Variants in MAP2 observed in about 807,000 individuals in gnomAD.
MAP2 encodes microtubule associated protein 2, also known as microtubule-associated protein 2.
Under a neutral mutation model 137.6 loss-of-function variants are expected in MAP2, and 14 were observed. That is an observed-to-expected ratio of 0.10 (90% confidence interval 0.07 to 0.16). The LOEUF (loss-of-function observed/expected upper bound fraction) is 0.16, where lower values mean the gene tolerates loss of function less well. Ranked by LOEUF, MAP2 falls within the 10% of genes least tolerant of loss-of-function variation. MAP2 has a pLI of 1.00. For synonymous variants in MAP2, 786 were observed against 782.3 expected, an observed-to-expected ratio of 1.00 and a Z score of -0.08; for missense variants, 2,088 against 2,191.5, an observed-to-expected ratio of 0.95 and a Z score of 0.94.
intron 1 of MAP2, among the ~76,000 whole-genome samples, chr2:209,465,724 G>T (rs1189285869): frequency 2.6e-5 from 4 of 152,150 alleles, no homozygotes; most frequent in African/African-American, 7.2e-5. Flanking sequence ...CTCCATAGGA[G>T]TCTAAATGAT....
intron 3 of MAP2, among the ~76,000 whole-genome samples, chr2:209,607,886 C>T (rs926241216): frequency 6.6e-6 from 1 of 152,186 alleles, no homozygotes; most frequent in Non-Finnish European, 1.5e-5. Context: ...TTTCTTATTC[C>T]TTTTGCTAGT....
intron 1 of MAP2, among the ~76,000 whole-genome samples, chr2:209,432,543 T>C (rs1694582615): frequency 6.6e-6 from 1 of 152,166 alleles, no homozygotes; most frequent in South Asian, 2.1e-4. Flanking sequence ...GAGAAACATA[T>C]TCCTGGTCAC....
chr2:209,436,024 A>ATATATACAGTATATATTATCTAT (rs1187754273), intron 1 of MAP2, among the ~76,000 whole-genome samples: 1 of 123,086 alleles, frequency 8.1e-6, no homozygotes. Context: ...ATTATATATA[A>ATATATACAGTATATATTATCTAT]AATATATATA....
intron 5 of MAP2, among the ~76,000 whole-genome samples, chr2:209,674,764 T>C (rs184604966): frequency 1.3e-4 from 19 of 151,852 alleles, no homozygotes; most frequent in East Asian, 1.9e-4. Flanking sequence ...ATTTTTTGAC[T>C]GTCTTTCCTT....
intron 4 of MAP2, among the ~76,000 whole-genome samples, chr2:209,644,378 A>T (rs1341772507): frequency 1.3e-5 from 2 of 152,096 alleles, no homozygotes; most frequent in Non-Finnish European, 2.9e-5. Flanking sequence ...GTTATTTTTC[A>T]TATGCACCGG....
rs13389549 is a variant in MAP2 at position 209,574,529 on chromosome 2, A to G, written c.-171-5507A>G. The stretch of plus-strand genomic sequence containing the variant: ...GACACTTAGATTGTTTACATATCTT[A>G]GCTATTGTGAATAATGCTGCAATAA... On this transcript the variant is annotated intron_variant, in intron 2 of 15. Coordinates refer to ENST00000682079, the MANE Select transcript of MAP2 (RefSeq NM_001375505.1). Among the ~76,000 whole-genome samples, 869 of 152,210 alleles carry G rather than the reference A, an allele frequency of 5.7e-3. 7 individuals carry two copies. The highest frequency in any genetic ancestry group is 0.02 in the African/African-American group (823 of 41,512).
At chr2:209,522,434 C>T (rs1474571739) in intron 2 of MAP2, among the ~76,000 whole-genome samples, 1 of 152,120 alleles carries the variant, frequency 6.6e-6, no homozygotes, top group Non-Finnish European at 1.5e-5. Context: ...AAGTAGTTGA[C>T]AAGTCATAAA....
At chr2:209,437,822 G>A (rs771368500) in intron 1 of MAP2, among the ~76,000 whole-genome samples, 1 of 151,672 alleles carries the variant, frequency 6.6e-6, no homozygotes, top group Non-Finnish European at 1.5e-5. Context: ...TTGTCAGATA[G>A]TTAGTGGTTT....
chr2:209,584,128 T>A (rs764129883), intron 3 of MAP2, among the ~76,000 whole-genome samples: 9 of 152,142 alleles, frequency 5.9e-5, no homozygotes, highest in Non-Finnish European at 1.2e-4. Flanking sequence ...CTGTGTAGTA[T>A]TCCATGGTGT....
intron 1 of MAP2, among the ~76,000 whole-genome samples, chr2:209,433,432 G>A (rs1694862616): frequency 6.6e-6 from 1 of 152,036 alleles, no homozygotes; most frequent in Non-Finnish European, 1.5e-5. Context: ...CAACAGACAC[G>A]GTAGAGGATA....
intron 3 of MAP2, among the ~76,000 whole-genome samples, chr2:209,604,910 A>C (rs1365761357): frequency 7.9e-5 from 12 of 152,306 alleles, no homozygotes; most frequent in Non-Finnish European, 5.9e-5. Context: ...CTCCCCATAA[A>C]AATGCTAAAA....
intron 14 of MAP2, 39 bp downstream of exon 14, chr2:209,725,829 C>G (rs1238495490): frequency 1.4e-6 from 2 of 1,409,798 alleles, no homozygotes; most frequent in Non-Finnish European, 1.9e-6. Flanking sequence ...AAATATTTAA[C>G]TGGAATCAAG....
intron 3 of MAP2, among the ~76,000 whole-genome samples, chr2:209,581,053 T>C (rs2076303520): frequency 6.6e-6 from 1 of 152,132 alleles, no homozygotes; most frequent in Admixed American, 6.6e-5. Flanking sequence ...TTTTGAAAAA[T>C]ATACCTGAAA....
At chr2:209,611,461 A>G (rs1509465) in intron 3 of MAP2, among the ~76,000 whole-genome samples, 48,560 of 151,634 alleles carry the variant, frequency 0.32, 13,429 homozygotes, top group African/African-American at 0.75. Context: ...TGTAATGCAC[A>G]CTGAAAAAAT....
chr2:209,701,253 G>A, intron 11 of MAP2, among the ~76,000 whole-genome samples: 1 of 151,658 alleles, frequency 6.6e-6, no homozygotes, highest in East Asian at 1.9e-4. Context: ...TTGTATATTT[G>A]CCAAATTATA....
Position 209,695,767 on chromosome 2 carries a change from G to A in MAP2, c.3597G>A (p.Gly1199=), listed in dbSNP as rs756936960. The A allele has an allele frequency of 6.2e-7, 1 of 1,613,876 alleles. No individual in the cohort carries two copies. Among genetic ancestry groups the A allele is most frequent in the Non-Finnish European group, 8.5e-7 (1 of 1,179,980 alleles). Residue 1199 remains glycine, a synonymous_variant, in exon 8 of 16, where the codon GGG becomes GGA. Coordinates refer to ENST00000682079, the MANE Select transcript of MAP2 (RefSeq NM_001375505.1). ...ATGTCCAGATGGAATTTATTCAGGG[G>A]CCAAAAGAAGAAAGCAAAGAGACCC... ...RADVQMEFIQ[G]PKEESKETPD...
At chr2:209,535,248 A>G (rs1005577436) in intron 2 of MAP2, among the ~76,000 whole-genome samples, 3 of 152,150 alleles carry the variant, frequency 2.0e-5, no homozygotes, top group African/African-American at 7.2e-5. Flanking sequence ...AAGTTGTGTC[A>G]TGTGCTCAAT....
chr2:209,678,531 C>A, intron 5 of MAP2, 41 bp from the exon 6 acceptor site: 1 of 1,047,268 alleles, frequency 9.5e-7, no homozygotes, highest in Non-Finnish European at 1.4e-6. Flanking sequence ...CTTTCTCAGA[C>A]TTCTCATCGT....
chr2:209,502,332 A>T (rs1164726538), intron 1 of MAP2, among the ~76,000 whole-genome samples: 1 of 152,116 alleles, frequency 6.6e-6, no homozygotes, highest in African/African-American at 2.4e-5. Flanking sequence ...CATAAGTGAG[A>T]TTATGCAGTA....
Sources: allele counts gnomAD v4.1 joint callset (sites outside exome capture counted in the v4.1 genomes callset), GRCh38; gene constraint gnomAD v4.1.1; transcripts MANE v1.5; gene names NCBI Gene and HGNC (gene_info 2026-07-23, HGNC 2026-07-21).